The following ASPH variants were observed in gnomAD, a reference collection of about 807,000 sequenced individuals.
ASPH encodes aspartate beta-hydroxylase.
Under a neutral mutation model 118.4 loss-of-function variants are expected in ASPH, and 100 were observed. The observed-to-expected ratio is 0.84, with a 90% CI of 0.72 to 1.00. The LOEUF (loss-of-function observed/expected upper bound fraction) is 1.00, where lower values mean the gene tolerates loss of function less well. ASPH is among the 50% of genes least tolerant of loss of function. The pLI is 0.00. For synonymous variants in ASPH, 315 were observed against 325.6 expected (o/e 0.97, Z 0.35); for missense variants, 920 against 919.5 (o/e 1.00, Z -0.01).
At chr8:61,705,331 C>A (rs906601149) in intron 1 of ASPH, among the ~76,000 whole-genome samples, 5 of 152,122 alleles carry the variant, frequency 3.3e-5, no homozygotes, top group Non-Finnish European at 7.4e-5. Context: ...ATTATCTGTA[C>A]ACCAAACCCC....
chr8:61,526,568 A>C (rs1815420233), intron 21 of ASPH, among the ~76,000 whole-genome samples: 1 of 152,246 alleles, frequency 6.6e-6, no homozygotes, highest in Non-Finnish European at 1.5e-5. Context: ...GGTCAATATA[A>C]GTTAAACATT....
chr8:61,688,805 T>C (rs939584535), intron 1 of ASPH, among the ~76,000 whole-genome samples: 1 of 152,170 alleles, frequency 6.6e-6, no homozygotes, highest in Non-Finnish European at 1.5e-5. Flanking sequence ...AGAAATGTCT[T>C]CCAAAAGAAC....
intron 23 of ASPH, 146 bp downstream of exon 23, chr8:61,517,886 A>G (rs1220632946): frequency 2.7e-6 from 3 of 1,106,864 alleles, no homozygotes; most frequent in East Asian, 4.8e-5. Context: ...TCTGACGTCA[A>G]CCACATAAAA....
chr8:61,598,837 G>A (rs755140167), intron 14 of ASPH, among the ~76,000 whole-genome samples: 1 of 152,128 alleles, frequency 6.6e-6, no homozygotes, highest in African/African-American at 2.4e-5. Flanking sequence ...GCAGTAAGGA[G>A]AGAAACTTCG....
At chr8:61,609,083 A>G (rs1029047262) in intron 14 of ASPH, among the ~76,000 whole-genome samples, 2 of 152,172 alleles carry the variant, frequency 1.3e-5, no homozygotes, top group African/African-American at 4.8e-5. Flanking sequence ...GTTAGATAAA[A>G]GCATTATGGC....
chr8:61,639,651 G>T (rs536223079), intron 10 of ASPH, among the ~76,000 whole-genome samples: 1 of 152,244 alleles, frequency 6.6e-6, no homozygotes, highest in South Asian at 2.1e-4. Context: ...CTCAGAGCTT[G>T]GTCCTGATGA....
At chr8:61,512,450 G>A (rs1037840203) in intron 24 of ASPH, among the ~76,000 whole-genome samples, 2 of 152,120 alleles carry the variant, frequency 1.3e-5, no homozygotes, top group Non-Finnish European at 2.9e-5. Flanking sequence ...GAACACCAAG[G>A]GCTGCCAGCA....
rs1329723110 is a variant in ASPH at position 61,502,617 on chromosome 8, C to CT, written c.*741dup. On this transcript the variant is annotated 3_prime_UTR_variant, in exon 25 of 25. Transcript: ENST00000379454. Reference sequence around the variant, plus strand: ...TAACAATATAAAATAATTCCATGCTCTTTTTTCGGTGTGAAAAGTTCCTCT... The same window carrying CT: ...TAACAATATAAAATAATTCCATGCTCTTTTTTTCGGTGTGAAAAGTTCCTCT... 1 of 152,092 alleles carries CT rather than the reference C, an allele frequency of 6.6e-6. No individual in the cohort carries two copies. Among genetic ancestry groups the CT allele is most frequent in the African/African-American group, 2.4e-5 (1 of 41,426 alleles). The allele number at this position is 152,092 out of a possible 1,614,324, so 9.4% of individuals were successfully genotyped here.
At chr8:61,561,575 A>G (rs1455143544) in intron 18 of ASPH, among the ~76,000 whole-genome samples, 3 of 152,246 alleles carry the variant, frequency 2.0e-5, no homozygotes, top group Non-Finnish European at 4.4e-5. Context: ...CTTTGAGGAT[A>G]GACCCAGTCC....
intron 17 of ASPH, among the ~76,000 whole-genome samples, chr8:61,565,769 C>A (rs1412586205): frequency 6.6e-6 from 1 of 152,178 alleles, no homozygotes; most frequent in African/African-American, 2.4e-5. Context: ...GAAGTCAATG[C>A]CTGCTTTCAA....
At chr8:61,538,851 A>G (rs1199137510) in intron 21 of ASPH, among the ~76,000 whole-genome samples, 1 of 152,270 alleles carries the variant, frequency 6.6e-6, no homozygotes, top group Non-Finnish European at 1.5e-5. Flanking sequence ...ATGTGTTTAT[A>G]TCCAAGCAGC....
chr8:61,646,747 T>A lies in ASPH; in HGVS notation c.619+3A>T. On this transcript the variant is annotated splice_donor_region_variant and intron_variant, in intron 6 of 24. Coordinates refer to ENST00000379454, the MANE Select transcript of ASPH (RefSeq NM_004318.4). ...CCTAAAACTTGAAAAAAAAGTGTTC[T>A]ACCTTCATGAGATACTTCAGGTTCC... The A allele has an allele frequency of 1.2e-6, 2 of 1,609,928 alleles. No individual in the cohort carries two copies. Among genetic ancestry groups the A allele is most frequent in the Non-Finnish European group, 1.7e-6 (2 of 1,178,300 alleles).
chr8:61,628,091 T>G (rs992358603), intron 13 of ASPH, among the ~76,000 whole-genome samples: 1 of 151,956 alleles, frequency 6.6e-6, no homozygotes, highest in Non-Finnish European at 1.5e-5. Context: ...ACTTCTCAAA[T>G]TGAGATTAGA....
At chr8:61,619,100 A>AATCAAAGAATAATTTG in intron 13 of ASPH, 81 bp from the exon 14 acceptor site, 1 of 1,009,214 alleles carries the variant, frequency 9.9e-7, no homozygotes, top group East Asian at 2.6e-5. Context: ...TATTTAAATG[A>AATCAAAGAATAATTTG]ATTCAATAAG....
chr8:61,653,046 A>G (rs1009589753), intron 4 of ASPH, among the ~76,000 whole-genome samples: 1 of 152,196 alleles, frequency 6.6e-6, no homozygotes, highest in African/African-American at 2.4e-5. Context: ...TCCTACCTAT[A>G]GTCATAGGCT....
At chr8:61,524,967 T>C (rs1814710748) in intron 22 of ASPH, among the ~76,000 whole-genome samples, 1 of 152,176 alleles carries the variant, frequency 6.6e-6, no homozygotes, top group South Asian at 2.1e-4. Flanking sequence ...ATATGGATTG[T>C]ATAGCTCCAT....
intron 13 of ASPH, chr8:61,624,640 C>T (rs1852085229): frequency 1.0e-6 from 1 of 985,206 alleles, no homozygotes; most frequent in African/African-American, 1.7e-5. Flanking sequence ...TTTGTAAAGA[C>T]AAGGCTCATT....
At chr8:61,552,480 G>A (rs1471443972) in intron 20 of ASPH, among the ~76,000 whole-genome samples, 1 of 152,124 alleles carries the variant, frequency 6.6e-6, no homozygotes, top group African/African-American at 2.4e-5. Flanking sequence ...CTTAAACTTG[G>A]TATTAAATAT....
chr8:61,608,299 C>G (rs1182925606), intron 14 of ASPH, among the ~76,000 whole-genome samples: 1 of 152,150 alleles, frequency 6.6e-6, no homozygotes, highest in Non-Finnish European at 1.5e-5. Context: ...AGGTGAGAGT[C>G]TGCCGATGAG....
Sources: gnomAD v4.1 joint callset for allele counts (sites outside exome capture counted in the v4.1 genomes callset) on GRCh38, gnomAD v4.1.1 for gene constraint, MANE v1.5 for transcripts, NCBI Gene and HGNC (gene_info 2026-07-23, HGNC 2026-07-21) for gene names.